Variants in DOP1A observed in about 807,000 individuals in gnomAD.
DOP1A encodes the protein protein DOP1A.
A neutral mutation model predicts 267.6 loss-of-function variants in DOP1A; 90 were observed. The observed-to-expected ratio is 0.34, with a 90% CI of 0.28 to 0.40. The LOEUF (loss-of-function observed/expected upper bound fraction) is 0.40, where lower values mean the gene tolerates loss of function less well. Among genes scored for constraint, DOP1A ranks in the 10% least tolerant of loss-of-function variants. The pLI, the probability that DOP1A is intolerant of heterozygous loss-of-function variation, is 1.00. For synonymous variants in DOP1A, 932 were observed against 999.1 expected (o/e 0.93, Z 1.27); for missense variants, 2,437 against 2,900.4 (o/e 0.84, Z 3.67).
At chr6:83,104,538 C>T (rs9449575) in intron 4 of DOP1A, among the ~76,000 whole-genome samples, 4,921 of 152,024 alleles carry the variant, frequency 0.032, 201 homozygotes, top group African/African-American at 0.091. Context: ...AAATTGTTCT[C>T]GTATTCTGTT....
Position 83,092,562 on chromosome 6 carries a change from C to T in DOP1A, c.-146-4169C>T, listed in dbSNP as rs1016902759. On this transcript the variant is annotated intron_variant, in intron 1 of 38. Transcript: ENST00000349129. Reference sequence around the variant, plus strand: ...GAAGGGACAGTAGTGTCCCTCCCCCCCCCCCCACCATATTCACCAGGGATA... The same window carrying T: ...GAAGGGACAGTAGTGTCCCTCCCCCTCCCCCCACCATATTCACCAGGGATA... 4.3e-5 allele frequency among the ~76,000 whole-genome samples: 5 copies of T among 115,682 alleles called. 1 individual carries two copies. The highest frequency in any genetic ancestry group is 1.9e-4 in the Admixed American group (2 of 10,612). 75.9% of individuals were successfully genotyped at this position (115,682 alleles called of 152,430 possible).
intron 1 of DOP1A, among the ~76,000 whole-genome samples, chr6:83,079,561 CTG>C (rs1187508814): frequency 1.3e-5 from 2 of 151,996 alleles, no homozygotes; most frequent in African/African-American, 2.4e-5. Flanking sequence ...AAATCCAACT[CTG>C]TAGTAAGTTA....
At chr6:83,145,832 C>G (rs1159633289) in intron 25 of DOP1A, among the ~76,000 whole-genome samples, 174 bp downstream of exon 25, 1 of 152,066 alleles carries the variant, frequency 6.6e-6, no homozygotes, top group Non-Finnish European at 1.5e-5. Context: ...TAGTGACTTG[C>G]TATTCTGATT....
Position 83,113,343 on chromosome 6 carries a change from A to G in DOP1A, c.702A>G (p.Ser234=), listed in dbSNP as rs1311328517. Residue 234 remains serine (S), a synonymous_variant, in exon 7 of 39, where the codon TCA becomes TCG. Transcript: ENST00000349129. ...IELMVEAVST[S]VQDSSVLVQR... ...TTCAGGTAGAAGCAGTAAGTACTTCAGTGCAGGACTCAAGTGTACTTGTAC... is the reference window on the plus strand; with the variant it reads ...TTCAGGTAGAAGCAGTAAGTACTTCGGTGCAGGACTCAAGTGTACTTGTAC... 1.2e-6 allele frequency: 2 copies of G among 1,612,800 alleles called. No homozygotes were observed. The highest frequency in any genetic ancestry group is 2.2e-5 in the South Asian group (2 of 90,808).
chr6:83,097,400 G>A (rs1242008208), intron 3 of DOP1A, among the ~76,000 whole-genome samples: 1 of 152,198 alleles, frequency 6.6e-6, no homozygotes, highest in East Asian at 1.9e-4. Flanking sequence ...TGCTAACTAT[G>A]AGGGCTAGTA....
intron 37 of DOP1A, among the ~76,000 whole-genome samples, chr6:83,160,917 T>C (rs1784093681): frequency 6.6e-6 from 1 of 152,130 alleles, no homozygotes; most frequent in Non-Finnish European, 1.5e-5. Flanking sequence ...TGGTAAGAAC[T>C]AGAAATTACT....
chr6:83,160,382 A>C (rs1783950898), intron 37 of DOP1A, among the ~76,000 whole-genome samples: 1 of 152,232 alleles, frequency 6.6e-6, no homozygotes, highest in Non-Finnish European at 1.5e-5. Flanking sequence ...AGGCAGCTGC[A>C]GACATGATAC....
chr6:83,093,476 A>T (rs1770846194), intron 1 of DOP1A, among the ~76,000 whole-genome samples: 2 of 152,216 alleles, frequency 1.3e-5, no homozygotes, highest in South Asian at 4.1e-4. Flanking sequence ...AGTGGTTTTT[A>T]ACCTTTTTGT....
At chr6:83,170,267 A>G, downstream of DOP1A, 1 of 1,597,096 alleles carries the variant, frequency 6.3e-7, no homozygotes, top group South Asian at 1.1e-5. Context: ...CCATCACCTA[A>G]TATTAGGCTC....
At chr6:83,153,395 T>C in intron 30 of DOP1A, 116 bp from the exon 31 acceptor site, 1 of 566,706 alleles carries the variant, frequency 1.8e-6, no homozygotes, top group Non-Finnish European at 2.9e-6. Flanking sequence ...GAAGATTTAA[T>C]TTTAGATTTT....
downstream of DOP1A, chr6:83,170,460 TAACTCTCCTGTCTGCAACC>T (rs1786869572): frequency 6.2e-7 from 1 of 1,613,864 alleles, no homozygotes; most frequent in African/African-American, 1.3e-5. Context: ...GTAGTGCTAA[TAACTCTCCTGTCTGCAACC>T]TAAGTGCAAG....
At position 83,096,236 on chromosome 6, in the gene DOP1A, A is replaced by G. The variant is rs530086541; in HGVS notation, c.-146-495A>G. Among the ~76,000 whole-genome samples the G allele has an allele frequency of 5.3e-5, 8 of 151,754 alleles. No individual in the cohort carries two copies. The South Asian group carries it at 1.5e-3, about 28-fold the overall frequency. On this transcript the variant is annotated intron_variant, in intron 1 of 38. Coordinates refer to ENST00000349129, the MANE Select transcript of DOP1A (RefSeq NM_015018.4). ...TTGAGTAGCTGGGACTACAGGTGCC[A>G]CCATGCCTGGCTAATTTTTATTTTT...
chr6:83,087,958 G>T (rs766267407), intron 1 of DOP1A, among the ~76,000 whole-genome samples: 1 of 151,268 alleles, frequency 6.6e-6, no homozygotes, highest in South Asian at 2.1e-4. Flanking sequence ...TGCAAGCTCC[G>T]CCTCCCAGGT....
In DOP1A at chr6:83,167,955, C is replaced by T. The variant is rs1786231870; in HGVS notation, c.7186C>T (p.Leu2396Phe). The T allele has an allele frequency of 1.9e-6, 3 of 1,614,076 alleles. No individual in the cohort carries two copies. The highest frequency in any genetic ancestry group is 2.5e-6 in the Non-Finnish European group (3 of 1,180,036). ...CTGCACCGTGCGCAGTATGGAGCAGCTCCTGCCGTTCTTCAATGTGCTCAG... is the reference window on the plus strand; with the variant it reads ...CTGCACCGTGCGCAGTATGGAGCAGTTCCTGCCGTTCTTCAATGTGCTCAG... ...TICTVRSMEQ[L>F]LPFFNVLSQV... The change falls in exon 39 of 39, where the codon CTC becomes TTC. Residue 2396 changes from leucine to phenylalanine, a missense_variant. Transcript: ENST00000349129.
At chr6:83,106,789 C>G (rs991958745) in intron 4 of DOP1A, among the ~76,000 whole-genome samples, 12 of 136,540 alleles carry the variant, frequency 8.8e-5, no homozygotes, top group African/African-American at 3.0e-4. Context: ...GCATGGGCAA[C>G]AGAGTGAGAG....
rs764843109 is a variant in DOP1A at position 83,130,197 on chromosome 6, G to A, written c.2416G>A (p.Val806Ile). ...NACSQASDFS[V>I]QSVAISLVMD... ...TTGCAGCCAAGCAAGTGATTTCAGT[G>A]TTCAGAGTGTTGCTATTTCACTAGT... Residue 806 changes from valine to isoleucine, a missense_variant, in exon 17 of 39, where the codon GTT becomes ATT. Val to Ile is a conservative substitution (Grantham distance 29). Around this residue, in one of 9 missense-constraint regions of DOP1A, gnomAD observed 878 missense variants for 992.9 expected, o/e 0.88. Transcript: ENST00000349129. The A allele has an allele frequency of 1.5e-5, 24 of 1,613,974 alleles. No homozygotes were observed. The African/African-American group carries it at 2.9e-4, about 20-fold the overall frequency.
intron 1 of DOP1A, chr6:83,073,272 G>C (rs1406421557): frequency 6.3e-6 from 1 of 159,160 alleles, no homozygotes; most frequent in Non-Finnish European, 1.4e-5. Flanking sequence ...TTTTTAAATA[G>C]ATACAGGGTT....
intron 14 of DOP1A, 121 bp from the exon 15 acceptor site, chr6:83,125,379 G>A (rs1426145093): frequency 1.6e-5 from 16 of 1,024,764 alleles, no homozygotes; most frequent in Non-Finnish European, 2.0e-5. Context: ...TGTTAATTAA[G>A]AGCATGATGC....
In DOP1A at chr6:83,130,308, C is replaced by A. The variant is rs951242868; in HGVS notation, c.2527C>A (p.Pro843Thr). The change falls in exon 17 of 39, where the codon CCA becomes ACA. Residue 843 changes from proline (P) to threonine (T), a missense_variant. Pro to Thr is a conservative substitution (Grantham distance 38). Coordinates refer to ENST00000349129, the MANE Select transcript of DOP1A (RefSeq NM_015018.4). ...NSVEPAQPLS[P>T]NQGRVAVVIR... ...TGTAGAGCCTGCACAACCCTTAAGT[C>A]CAAACCAGGGAAGAGTAGCTGTGGT... 3.1e-6 allele frequency: 5 copies of A among 1,613,800 alleles called. No homozygotes were observed. Among genetic ancestry groups the A allele is most frequent in the Non-Finnish European group, 3.4e-6 (4 of 1,179,944 alleles).
Sources: gnomAD v4.1 joint callset for allele counts (sites outside exome capture counted in the v4.1 genomes callset) on GRCh38, gnomAD v4.1.1 for gene constraint, gnomAD v4.1.1 regional missense constraint, MANE v1.5 for transcripts, NCBI Gene and HGNC (gene_info 2026-07-23, HGNC 2026-07-21) for gene names.